NT5C3A: variants seen among roughly 807,000 people sequenced by gnomAD.
NT5C3A encodes the protein cytosolic 5'-nucleotidase 3A.
A neutral mutation model predicts 40.0 loss-of-function variants in NT5C3A; 23 were observed. The ratio of observed to expected loss-of-function variants is 0.58; its 90% CI spans 0.41 to 0.81. NT5C3A has a LOEUF of 0.81. NT5C3A is among the 40% of genes least tolerant of loss of function. The probability of loss-of-function intolerance (pLI) is 0.00; values close to 1 mark genes in which losing one functional copy is unlikely to be tolerated. For missense variants in NT5C3A, 328 were observed against 403.0 expected, an observed-to-expected ratio of 0.81 and a Z score of 1.59; for synonymous variants, 130 against 141.4, an observed-to-expected ratio of 0.92 and a Z score of 0.57.
intron 1 of NT5C3A, among the ~76,000 whole-genome samples, chr7:33,039,152 A>G (rs563255761): frequency 6.3e-4 from 96 of 152,320 alleles, no homozygotes; most frequent in African/African-American, 2.0e-3. Flanking sequence ...AACTTTAGTT[A>G]TCACAGTATT....
At chr7:33,042,219 T>A (rs934177411) in intron 1 of NT5C3A, among the ~76,000 whole-genome samples, 4 of 151,836 alleles carry the variant, frequency 2.6e-5, no homozygotes, top group African/African-American at 9.7e-5. Context: ...GCACCTGTAA[T>A]CCCAGCTACT....
At chr7:33,031,014 G>T (rs1786220789) in intron 1 of NT5C3A, among the ~76,000 whole-genome samples, 2 of 151,176 alleles carry the variant, frequency 1.3e-5, no homozygotes, top group South Asian at 4.2e-4. Context: ...CAGGAGAATG[G>T]CATGAACCCC....
At chr7:33,050,192 A>T (rs1294399329) in intron 1 of NT5C3A, among the ~76,000 whole-genome samples, 1 of 152,150 alleles carries the variant, frequency 6.6e-6, no homozygotes, top group Non-Finnish European at 1.5e-5. Context: ...TGCGTAGAGT[A>T]TACTTGGTCA....
intron 2 of NT5C3A, among the ~76,000 whole-genome samples, chr7:33,025,960 T>C (rs551636977): frequency 2.9e-4 from 44 of 152,202 alleles, no homozygotes; most frequent in African/African-American, 9.6e-4. Context: ...CCGAGGTGGA[T>C]GGATCACTTG....
chr7:33,062,224 G>A (rs1562608133), intron 1 of NT5C3A, among the ~76,000 whole-genome samples: 1 of 152,180 alleles, frequency 6.6e-6, no homozygotes, highest in African/African-American at 2.4e-5. Flanking sequence ...CCCAGGACAT[G>A]CAGCTTATCT....
intron 1 of NT5C3A, among the ~76,000 whole-genome samples, chr7:33,048,802 T>C (rs1322716568): frequency 2.0e-5 from 3 of 152,196 alleles, no homozygotes; most frequent in Non-Finnish European, 4.4e-5. Flanking sequence ...GCTGGATATC[T>C]CCCCATATCC....
intron 4 of NT5C3A, chr7:33,021,694 C>T: frequency 2.5e-6 from 1 of 399,248 alleles, no homozygotes; most frequent in Non-Finnish European, 4.6e-6. Flanking sequence ...CATACATACT[C>T]AAGCGAAGTA....
chr7:33,017,734 G>T, intron 6 of NT5C3A, 133 bp from the exon 7 acceptor site: 1 of 750,630 alleles, frequency 1.3e-6, no homozygotes, highest in Non-Finnish European at 2.4e-6. Flanking sequence ...TACTGCCCAA[G>T]AGGGCTGTTA....
At chr7:33,037,750 G>C (rs532749759) in intron 1 of NT5C3A, among the ~76,000 whole-genome samples, 1 of 152,204 alleles carries the variant, frequency 6.6e-6, no homozygotes, top group East Asian at 1.9e-4. Context: ...ATCTGAAAAA[G>C]AATGTATCTG....
At chr7:33,032,563 C>A (rs1157516943) in intron 1 of NT5C3A, among the ~76,000 whole-genome samples, 1 of 151,298 alleles carries the variant, frequency 6.6e-6, no homozygotes, top group African/African-American at 2.4e-5. Flanking sequence ...TCAGGTGATC[C>A]CCCCACCTCA....
At chr7:33,054,595 T>C (rs1787497576) in intron 1 of NT5C3A, among the ~76,000 whole-genome samples, 1 of 152,188 alleles carries the variant, frequency 6.6e-6, no homozygotes, top group African/African-American at 2.4e-5. Flanking sequence ...TGCACATACA[T>C]TATATCTTGG....
At chr7:33,052,621 T>C (rs1432598220) in intron 1 of NT5C3A, among the ~76,000 whole-genome samples, 5 of 152,170 alleles carry the variant, frequency 3.3e-5, no homozygotes, top group African/African-American at 7.2e-5. Context: ...AGTACCTATT[T>C]TTCTATATCC....
chr7:33,057,838 C>T (rs1488243286), intron 1 of NT5C3A, among the ~76,000 whole-genome samples: 1 of 152,154 alleles, frequency 6.6e-6, no homozygotes. Context: ...TTCTAGTGAC[C>T]ATTCCATCTC....
chr7:33,026,879 T>A lies in NT5C3A; in HGVS notation c.175A>T (p.Asn59Tyr). The A allele has an allele frequency of 6.2e-7, 1 of 1,612,986 alleles. No homozygotes were observed. ...EFQKSSVRIKNPTRVEEIICG... is the reference protein window; with the variant it reads ...EFQKSSVRIKYPTRVEEIICG... ...ATAATTTCTTCTACTCTTGTAGGGT[T>A]CTTGATTCGAACTGAACTTTTCTGG... The change falls in exon 2 of 9, where the codon AAC becomes TAC. Residue 59 changes from asparagine (N) to tyrosine (Y), a missense_variant. Physicochemically the swap from Asn to Tyr is moderately radical, Grantham distance 143 (BLOSUM62 -2). Transcript: ENST00000610140.
At chr7:33,036,151 G>C in intron 1 of NT5C3A, 2 of 634,898 alleles carry the variant, frequency 3.2e-6, no homozygotes, top group Non-Finnish European at 2.8e-6. Flanking sequence ...TATGTACAAA[G>C]AACTAACATG....
chr7:33,025,701 A>G (rs563605855), intron 2 of NT5C3A, among the ~76,000 whole-genome samples: 1 of 151,544 alleles, frequency 6.6e-6, no homozygotes, highest in African/African-American at 2.4e-5. Context: ...TAAGACTAAT[A>G]AAAACTTAAG....
At chr7:33,021,876 G>A in intron 4 of NT5C3A, 177 bp downstream of exon 4, 2 of 563,160 alleles carry the variant, frequency 3.6e-6, no homozygotes, top group Admixed American at 3.5e-5. Flanking sequence ...TTTAAAATAT[G>A]TTTTGAATGT....
At chr7:33,058,182 G>C (rs1177456635) in intron 1 of NT5C3A, among the ~76,000 whole-genome samples, 1 of 152,098 alleles carries the variant, frequency 6.6e-6, no homozygotes, top group Admixed American at 6.5e-5. Flanking sequence ...TTTGAAAGAG[G>C]TGTCATTTAG....
At chr7:33,015,011 A>G (rs1000899087) in intron 8 of NT5C3A, among the ~76,000 whole-genome samples, 180 bp from the exon 9 acceptor site, 2 of 152,236 alleles carry the variant, frequency 1.3e-5, no homozygotes, top group African/African-American at 2.4e-5. Flanking sequence ...ACATTTTTCC[A>G]CATGGTAGCT....
Sources: allele counts gnomAD v4.1 joint callset (sites outside exome capture counted in the v4.1 genomes callset), GRCh38; gene constraint gnomAD v4.1.1; transcripts MANE v1.5; gene names NCBI Gene and HGNC (gene_info 2026-07-23, HGNC 2026-07-21).